EIPR1: variants seen among roughly 807,000 people sequenced by gnomAD.
The protein encoded by EIPR1 is EARP complex and GARP complex interacting protein 1.
Under a neutral mutation model 48.1 loss-of-function variants are expected in EIPR1, and 25 were observed. The ratio of observed to expected loss-of-function variants is 0.52; its 90% CI spans 0.38 to 0.73. The LOEUF (loss-of-function observed/expected upper bound fraction) is 0.73, where lower values mean the gene tolerates loss of function less well. Ranked by LOEUF, EIPR1 falls within the 30% of genes least tolerant of loss-of-function variation. The pLI is 0.00. For synonymous variants in EIPR1, 204 were observed against 201.9 expected (o/e 1.01, Z -0.09); for missense variants, 415 against 506.2 (o/e 0.82, Z 1.73).
At chr2:3,332,903 T>C (rs1412236214) in intron 3 of EIPR1, among the ~76,000 whole-genome samples, 1 of 152,238 alleles carries the variant, frequency 6.6e-6, no homozygotes. Context: ...CACTTGTTCC[T>C]TGCATGAATA....
chr2:3,274,210 C>G (rs1667780650), intron 3 of EIPR1: 1 of 1,425,592 alleles, frequency 7.0e-7, no homozygotes, highest in Non-Finnish European at 9.4e-7. Context: ...ACAGCAGGCA[C>G]AATATCAATA....
At chr2:3,358,965 T>C (rs895102396) in intron 1 of EIPR1, among the ~76,000 whole-genome samples, 5 of 152,230 alleles carry the variant, frequency 3.3e-5, no homozygotes, top group Non-Finnish European at 5.9e-5. Context: ...AGCTTGTCTA[T>C]GCCTCAAGTC....
intron 1 of EIPR1, among the ~76,000 whole-genome samples, chr2:3,364,602 T>C (rs2103386550): frequency 6.7e-6 from 1 of 149,382 alleles, no homozygotes. Flanking sequence ...ACCACTGCAC[T>C]CCAGCCTGGG....
At chr2:3,310,464 T>C (rs1385907861) in intron 3 of EIPR1, among the ~76,000 whole-genome samples, 1 of 141,096 alleles carries the variant, frequency 7.1e-6, no homozygotes, top group Non-Finnish European at 1.5e-5. Context: ...CCATCCTGGC[T>C]AAAACGGTGA....
rs533770736 is a variant in EIPR1 at position 3,239,105 on chromosome 2, G to A, written c.416+18194C>T. Among the ~76,000 whole-genome samples the A allele has an allele frequency of 9.8e-5, 15 of 152,290 alleles. No individual in the cohort carries two copies. In the East Asian group the frequency reaches 2.5e-3, roughly 26 times the overall value. On this transcript the variant is annotated intron_variant, in intron 4 of 8. Transcript: ENST00000382125. ...GATGGGACGCAACCTGGCTCTGCCC[G>A]GCCGCCTGCACAGCAGACCCCACCC...
At position 3,227,762 on chromosome 2, in the gene EIPR1, C is replaced by T. The variant is rs144774413; in HGVS notation, c.417-13514G>A. 1.2e-3 allele frequency among the ~76,000 whole-genome samples: 186 copies of T among 152,338 alleles called. 2 individuals carry two copies. The highest frequency in any genetic ancestry group is 4.3e-3 in the African/African-American group (178 of 41,574). ...CTCTGTGCAGCCTTGGGACATGCTGCCCTGCATCCCAGCTGCTGCTGCTCC... is the reference window on the plus strand; with the variant it reads ...CTCTGTGCAGCCTTGGGACATGCTGTCCTGCATCCCAGCTGCTGCTGCTCC... On this transcript the variant is annotated intron_variant, in intron 4 of 8. Coordinates refer to ENST00000382125, the MANE Select transcript of EIPR1 (RefSeq NM_003310.5).
At chr2:3,234,469 G>A (rs2694090) in intron 4 of EIPR1, among the ~76,000 whole-genome samples, 139,122 of 152,154 alleles carry the variant, frequency 0.91, 64,097 homozygotes, top group East Asian at 0.98. Flanking sequence ...TCGAGGCTCC[G>A]GCAGCCAGGG....
At position 3,329,243 on chromosome 2, in the gene EIPR1, A is replaced by G. The variant is rs113258696; in HGVS notation, c.259+8774T>C. 2.1e-3 allele frequency among the ~76,000 whole-genome samples: 100 copies of G among 48,126 alleles called. 1 individual carries two copies. In the East Asian group the frequency reaches 0.023, roughly 11 times the overall value. 31.6% of individuals were successfully genotyped at this position (48,126 alleles called of 152,430 possible). A position where few individuals can be genotyped will look rare whatever the true frequency, so the allele number is the denominator to read the frequency against. The stretch of plus-strand genomic sequence containing the variant: ...CACCAGGCTCTAGTGATCTCAGGGC[A>G]CCAGCTGGGCTCCCCTGGATCAGAC... On this transcript the variant is annotated intron_variant, in intron 3 of 8. Transcript: ENST00000382125.
In EIPR1 at chr2:3,302,624, G is replaced by A. The variant is rs552792463; in HGVS notation, c.259+35393C>T. Among the ~76,000 whole-genome samples the A allele has an allele frequency of 2.2e-3, 328 of 152,360 alleles. 1 individual carries two copies. The highest frequency in any genetic ancestry group is 3.7e-3 in the Admixed American group (57 of 15,310). ...AGCGATGGCAGTGACGTGACGTCGC[G>A]GAACCAGAGGTTGTGCCCCATTGCA... On this transcript the variant is annotated intron_variant, in intron 3 of 8. Coordinates refer to ENST00000382125, the MANE Select transcript of EIPR1 (RefSeq NM_003310.5).
In EIPR1 at chr2:3,269,356, AGTCATCGCACTCAATCATCG is replaced by A. The variant is rs1558263297; in HGVS notation, c.260-11921_260-11902del. On this transcript the variant is annotated intron_variant, in intron 3 of 8. Coordinates refer to ENST00000382125, the MANE Select transcript of EIPR1 (RefSeq NM_003310.5). ...ATCATCACACTCAGTCATCGCACTC[AGTCATCGCACTCAATCATCG>A]CACTCAGTCATCGCACTCAGTCATC... Among the ~76,000 whole-genome samples the A allele has an allele frequency of 8.2e-5, 6 of 73,018 alleles. 1 individual carries two copies. Among genetic ancestry groups the A allele is most frequent in the Admixed American group, 1.5e-4 (1 of 6,502 alleles). The allele number at this position is 73,018 out of a possible 152,430, so 47.9% of individuals were successfully genotyped here. A position where few individuals can be genotyped will look rare whatever the true frequency, so the allele number is the denominator to read the frequency against.
chr2:3,226,069 T>C (rs1383827027), intron 4 of EIPR1, among the ~76,000 whole-genome samples: 3 of 152,346 alleles, frequency 2.0e-5, no homozygotes, highest in Non-Finnish European at 2.9e-5. Flanking sequence ...TTTCTACATC[T>C]TGGCTACTGT....
intron 3 of EIPR1, among the ~76,000 whole-genome samples, chr2:3,267,706 G>C (rs539823229): frequency 6.6e-6 from 1 of 152,344 alleles, no homozygotes; most frequent in African/African-American, 2.4e-5. Context: ...CAGGCCTGGG[G>C]CCAACATGCT....
intron 5 of EIPR1, among the ~76,000 whole-genome samples, chr2:3,207,451 T>G (rs1208708443): frequency 1.3e-5 from 2 of 152,240 alleles, no homozygotes; most frequent in Non-Finnish European, 2.9e-5. Context: ...CCAGCAAAAC[T>G]TGAAGTCTTA....
At position 3,270,531 on chromosome 2, in the gene EIPR1, C is replaced by T. The variant is rs59197912; in HGVS notation, c.260-13076G>A. Among the ~76,000 whole-genome samples, 1,227 of 152,310 alleles carry T rather than the reference C, an allele frequency of 8.1e-3. 14 individuals are homozygous for T. Among genetic ancestry groups the T allele is most frequent in the African/African-American group, 0.028 (1,175 of 41,558 alleles). The stretch of plus-strand genomic sequence containing the variant: ...GCTTGGTTCTAGACCACCACAATAA[C>T]ATTAATATTGCAAAAAGAGAGTCAT... On this transcript the variant is annotated intron_variant, in intron 3 of 8. Transcript: ENST00000382125.
chr2:3,251,955 G>A (rs1473245592), intron 4 of EIPR1, among the ~76,000 whole-genome samples: 1 of 152,158 alleles, frequency 6.6e-6, no homozygotes, highest in African/African-American at 2.4e-5. Context: ...TCCCTCTGTA[G>A]GAGTGAGTAA....
At chr2:3,253,677 G>A (rs1296771188) in intron 4 of EIPR1, among the ~76,000 whole-genome samples, 5 of 152,270 alleles carry the variant, frequency 3.3e-5, no homozygotes, top group South Asian at 2.1e-4. Flanking sequence ...TTAGTGTTCT[G>A]GGGGGCACAC....
intron 2 of EIPR1, among the ~76,000 whole-genome samples, chr2:3,350,052 A>C (rs1670523355): frequency 7.3e-6 from 1 of 137,600 alleles, no homozygotes; most frequent in Non-Finnish European, 1.5e-5. Context: ...TGGGAGGCAG[A>C]GGTTGCAGTG....
Position 3,294,902 on chromosome 2 carries a change from A to G in EIPR1, c.260-37447T>C, listed in dbSNP as rs190897167. ...TATACACATGCCCTCCATCCAGCCC[A>G]TTCTCTCCCTGCACACACACCCGCC... On this transcript the variant is annotated intron_variant, in intron 3 of 8. Coordinates refer to ENST00000382125, the MANE Select transcript of EIPR1 (RefSeq NM_003310.5). Among the ~76,000 whole-genome samples the G allele has an allele frequency of 3.5e-3, 314 of 88,692 alleles. 12 individuals are homozygous for G. Among genetic ancestry groups the G allele is most frequent in the African/African-American group, 0.014 (295 of 20,622 alleles). 58.2% of individuals were successfully genotyped at this position (88,692 alleles called of 152,430 possible).
At chr2:3,328,880 A>G (rs71444248) in intron 3 of EIPR1, among the ~76,000 whole-genome samples, 735 of 19,718 alleles carry the variant, frequency 0.037, no homozygotes, top group East Asian at 0.17. Context: ...CACCCACCAC[A>G]CTCTAATGAT....
Sources: gnomAD v4.1 joint callset for allele counts (sites outside exome capture counted in the v4.1 genomes callset) on GRCh38, gnomAD v4.1.1 for gene constraint, MANE v1.5 for transcripts, NCBI Gene and HGNC (gene_info 2026-07-23, HGNC 2026-07-21) for gene names.